The following ANK1 variants were observed in gnomAD, a reference collection of about 807,000 sequenced individuals.
ANK1 encodes ankyrin-1.
A neutral mutation model predicts 210.4 loss-of-function variants in ANK1; 51 were observed. The ratio of observed to expected loss-of-function variants is 0.24; its 90% CI spans 0.19 to 0.31. ANK1 has a LOEUF of 0.31. Ranked by LOEUF, ANK1 falls within the 10% of genes least tolerant of loss-of-function variation. ANK1 has a pLI of 1.00. For missense variants in ANK1, 2,051 were observed against 2,504.4 expected, an observed-to-expected ratio of 0.82 and a Z score of 3.86; for synonymous variants, 967 against 1,025.9, an observed-to-expected ratio of 0.94 and a Z score of 1.10.
chr8:41,715,701 G>A lies in ANK1; in HGVS notation c.1553C>T (p.Thr518Ile), dbSNP rs1254627913. 6.2e-7 allele frequency: 1 copy of A among 1,614,048 alleles called. No homozygotes were observed. The highest frequency in any genetic ancestry group is 1.7e-5 in the Admixed American group (1 of 60,026). The change falls in exon 14 of 43, where the codon ACA becomes ATA. Residue 518 changes from threonine to isoleucine, a missense_variant. Physicochemically the swap from Thr to Ile is moderately conservative, Grantham distance 89 (BLOSUM62 -1). Transcript: ENST00000289734. Reference sequence around the variant, plus strand: ...TTCCTTTTCCAGAAGGGCCAGGACTGTTTCCACATGGCCCTCACGGGCTGC... The same window carrying A: ...TTCCTTTTCCAGAAGGGCCAGGACTATTTCCACATGGCCCTCACGGGCTGC... ...HIAAREGHVETVLALLEKEAS... is the reference protein window; with the variant it reads ...HIAAREGHVEIVLALLEKEAS...
At chr8:41,843,879 G>A (rs1563892098) in intron 1 of ANK1, among the ~76,000 whole-genome samples, 1 of 152,158 alleles carries the variant, frequency 6.6e-6, no homozygotes, top group African/African-American at 2.4e-5. Flanking sequence ...TCACACATTT[G>A]TCACTGAGGG....
chr8:41,696,437 C>T lies in ANK1; in HGVS notation c.2886G>A (p.Pro962=), dbSNP rs200151751. 3.6e-5 allele frequency: 58 copies of T among 1,613,230 alleles called. No homozygotes were observed. The highest frequency in any genetic ancestry group is 2.2e-4 in the Admixed American group (13 of 60,000). The change falls in exon 26 of 43, where the codon CCG becomes CCA. Residue 962 remains proline, a synonymous_variant. Coordinates refer to ENST00000289734, the MANE Select transcript of ANK1 (RefSeq NM_000037.4). ...RLVKPQKLST[P]PPLAEEEGLA... ...GGCCCTCCTCCTCGGCCAGTGGGGGCGGCGTGCTGAGCTTCTGGGGCTTGA... is the reference window on the plus strand; with the variant it reads ...GGCCCTCCTCCTCGGCCAGTGGGGGTGGCGTGCTGAGCTTCTGGGGCTTGA...
intron 42 of ANK1, among the ~76,000 whole-genome samples, chr8:41,657,386 G>T (rs1349774263): frequency 6.6e-6 from 1 of 152,166 alleles, no homozygotes; most frequent in African/African-American, 2.4e-5. Context: ...CATTAGAGAG[G>T]TGTGATGTTT....
rs1285281625 is a variant in ANK1 at position 41,694,750 on chromosome 8, T to G, written c.3169A>C (p.Thr1057Pro). 1 of 1,613,920 alleles carries G rather than the reference T, an allele frequency of 6.2e-7. No individual in the cohort carries two copies. The highest frequency in any genetic ancestry group is 2.2e-5 in the East Asian group (1 of 44,840). Residue 1057 changes from threonine (T) to proline (P), a missense_variant, in exon 28 of 43, where the codon ACC (threonine) becomes CCC (proline). Transcript: ENST00000289734. This position sits in a 1 kb window ranked among gnomAD's most constrained non-coding sequence, Gnocchi z 5.7. ...ATCACGAAGTACAGCGGGAAGTCGG[T>G]GGTGATGATTCGGCACACCCTCTTC... ...EKKRVCRIIT[T>P]DFPLYFVIMS...
chr8:41,723,599 C>G lies in ANK1; in HGVS notation c.746G>C (p.Arg249Thr). 6.2e-7 allele frequency: 1 copy of G among 1,613,782 alleles called. No individual in the cohort carries two copies. Among genetic ancestry groups the G allele is most frequent in the Non-Finnish European group, 8.5e-7 (1 of 1,179,928 alleles). ...GITPLHIASR[R>T]GNVIMVRLLL... Reference sequence around the variant, plus strand: ...CAGCCGCACCATGATCACGTTGCCCCTGCGGGAGGCGATGTGCAGTGGCGT... The same window carrying G: ...CAGCCGCACCATGATCACGTTGCCCGTGCGGGAGGCGATGTGCAGTGGCGT... The change falls in exon 8 of 43, where the codon AGG becomes ACG. Residue 249 changes from arginine to threonine, a missense_variant. Arg to Thr is a moderately conservative substitution (Grantham distance 71, BLOSUM62 -1). Around this residue, in one of 6 missense-constraint regions of ANK1, gnomAD observed 1,413 missense variants for 1,707.4 expected, o/e 0.83. Transcript: ENST00000289734.
At chr8:41,763,110 G>A (rs1401207969) in intron 1 of ANK1, among the ~76,000 whole-genome samples, 1 of 151,986 alleles carries the variant, frequency 6.6e-6, no homozygotes, top group Admixed American at 6.5e-5. Flanking sequence ...CAGTTACTTG[G>A]GAGGGTGAGG....
intron 1 of ANK1, among the ~76,000 whole-genome samples, chr8:41,761,222 G>T (rs1840345741): frequency 7.2e-6 from 1 of 139,516 alleles, no homozygotes; most frequent in Non-Finnish European, 1.6e-5. Flanking sequence ...CACACACACA[G>T]ATGTGTGCAC....
chr8:41,882,553 T>A (rs1211612399), intron 1 of ANK1, among the ~76,000 whole-genome samples: 1 of 152,140 alleles, frequency 6.6e-6, no homozygotes, highest in African/African-American at 2.4e-5. Flanking sequence ...GAAAAGGAAC[T>A]CCAGCCAGGG....
Position 41,797,285 on chromosome 8 carries a change from T to G in ANK1, c.27+227A>C, listed in dbSNP as rs75201175. Among the ~76,000 whole-genome samples the G allele has an allele frequency of 2.5e-3, 381 of 152,360 alleles. 2 individuals carry two copies. The highest frequency in any genetic ancestry group is 8.7e-3 in the African/African-American group (362 of 41,584). ...TTGGAACTCAATTTGACAGCAAATCTCTGGATGTAAAAAATATGAAACTGG... is the reference window on the plus strand; with the variant it reads ...TTGGAACTCAATTTGACAGCAAATCGCTGGATGTAAAAAATATGAAACTGG... On this transcript the variant is annotated intron_variant, in intron 1 of 42. Coordinates refer to ENST00000289734, the MANE Select transcript of ANK1 (RefSeq NM_000037.4). The surrounding 1 kb of genome is among the most constrained non-coding windows in gnomAD (Gnocchi z 4.0).
intron 31 of ANK1, among the ~76,000 whole-genome samples, chr8:41,691,669 A>T (rs1054432287): frequency 2.0e-5 from 3 of 152,194 alleles, no homozygotes; most frequent in African/African-American, 7.2e-5. Flanking sequence ...ACCCTAGCAC[A>T]GCAGGTTATA....
chr8:41,887,966 C>T (rs1818748681), intron 1 of ANK1, among the ~76,000 whole-genome samples: 1 of 152,218 alleles, frequency 6.6e-6, no homozygotes, highest in South Asian at 2.1e-4. Context: ...CATCAGCATC[C>T]TTAGCTGTCC....
At chr8:41,720,198 T>G (rs1828898054) in intron 9 of ANK1, among the ~76,000 whole-genome samples, 1 of 152,200 alleles carries the variant, frequency 6.6e-6, no homozygotes, top group Non-Finnish European at 1.5e-5. Flanking sequence ...AGCTAACTTT[T>G]TAGGGGAGTG....
At chr8:41,798,592 T>G (rs914362998), upstream of ANK1, among the ~76,000 whole-genome samples, 7 of 152,282 alleles carry the variant, frequency 4.6e-5, no homozygotes, top group African/African-American at 1.7e-4. Context: ...CAGAATGGCT[T>G]TATCAGTGAG....
At chr8:41,814,359 CAAAA>C (rs34734381) in intron 1 of ANK1, among the ~76,000 whole-genome samples, 1 of 124,426 alleles carries the variant, frequency 8.0e-6, no homozygotes, top group Admixed American at 8.5e-5. Flanking sequence ...GACTCCATCT[CAAAA>C]AAAAAAAAAA....
intron 1 of ANK1, among the ~76,000 whole-genome samples, chr8:41,868,990 G>A (rs917023478): frequency 1.4e-4 from 22 of 152,150 alleles, no homozygotes; most frequent in African/African-American, 3.9e-4. Flanking sequence ...GAATATTTAC[G>A]TAAAACCATT....
intron 42 of ANK1, among the ~76,000 whole-genome samples, chr8:41,657,730 G>T (rs1243584431): frequency 6.6e-6 from 1 of 152,160 alleles, no homozygotes; most frequent in Admixed American, 6.5e-5. Flanking sequence ...TCATCCCTTG[G>T]TAAACTGAGA....
chr8:41,811,198 T>C (rs1005973414), intron 1 of ANK1, among the ~76,000 whole-genome samples: 2 of 152,206 alleles, frequency 1.3e-5, no homozygotes, highest in African/African-American at 4.8e-5. Context: ...GCTACCATAA[T>C]TCAAACCTTG....
intron 2 of ANK1, among the ~76,000 whole-genome samples, chr8:41,742,500 C>T (rs574413534): frequency 6.6e-6 from 1 of 152,352 alleles, no homozygotes; most frequent in African/African-American, 2.4e-5. Flanking sequence ...CATCCCGTGA[C>T]TGAGGACCTC....
Position 41,698,108 on chromosome 8 carries a change from C to T in ANK1, c.2572G>A (p.Ala858Thr). The change falls in exon 24 of 43, where the codon GCC becomes ACC. Residue 858 changes from alanine (A) to threonine (T), a missense_variant. Transcript: ENST00000289734. ...PKLDQVVESP[A>T]IPRIPCAMPE... ...ATGGCACAGGGAATCCTGGGGATGG[C>T]TGGAGATTCCACCCTGCGTGCCAAG... is the stretch of plus-strand genomic sequence containing the variant. 1.9e-6 allele frequency: 3 copies of T among 1,614,090 alleles called. No individual in the cohort carries two copies.
Sources: allele counts gnomAD v4.1 joint callset (sites outside exome capture counted in the v4.1 genomes callset), GRCh38; gene constraint gnomAD v4.1.1; regional missense constraint gnomAD v4.1.1; non-coding constraint Gnocchi (gnomAD v3.1); transcripts MANE v1.5; gene names NCBI Gene and HGNC (gene_info 2026-07-23, HGNC 2026-07-21).